The following SPEF2 variants were observed in gnomAD, a reference collection of about 807,000 sequenced individuals.
SPEF2 encodes the protein sperm flagellar and cilia associated 2.
In SPEF2, 187 loss-of-function variants were observed where a neutral mutation model predicts 224.6. The observed-to-expected ratio is 0.83, with a 90% confidence interval of 0.74 to 0.94. The LOEUF (loss-of-function observed/expected upper bound fraction) is 0.94, where lower values mean the gene tolerates loss of function less well. Ranked by LOEUF, SPEF2 falls within the 40% of genes least tolerant of loss-of-function variation. The probability of loss-of-function intolerance (pLI) is 0.00; values close to 1 mark genes in which losing one functional copy is unlikely to be tolerated. For missense variants in SPEF2, 2,170 were observed against 2,135.6 expected (o/e 1.02, Z -0.32); for synonymous variants, 715 against 707.3 (o/e 1.01, Z -0.17).
At chr5:35,644,841 C>T (rs1252830334) in intron 4 of SPEF2, among the ~76,000 whole-genome samples, 2 of 152,176 alleles carry the variant, frequency 1.3e-5, no homozygotes, top group African/African-American at 4.8e-5. Context: ...TTGCTATTAG[C>T]TACCCCATTG....
At chr5:35,756,569 G>A (rs1750478326) in intron 24 of SPEF2, among the ~76,000 whole-genome samples, 1 of 152,210 alleles carries the variant, frequency 6.6e-6, no homozygotes, top group East Asian at 1.9e-4. Context: ...TGTCCAGGAT[G>A]CTCAAAAGCA....
chr5:35,654,634 C>T lies in SPEF2; in HGVS notation c.886C>T (p.Arg296Cys), dbSNP rs757152291. Residue 296 changes from arginine to cysteine, a missense_variant, in exon 7 of 37, where the codon CGC (arginine) becomes TGC (cysteine). Physicochemically the swap from Arg to Cys is radical, Grantham distance 180 (BLOSUM62 -3). Transcript: ENST00000356031. ...DDEYIKKIQK[R>C]LEEDAFAREQ... is the part of the protein sequence containing the mutation. ...CGAGTACATTAAAAAAATCCAGAAG[C>T]GCCTTGAAGAAGATGCTTTTGCACG... 19 of 1,613,474 alleles carry T rather than the reference C, an allele frequency of 1.2e-5. No individual in the cohort carries two copies. The East Asian group carries it at 3.3e-4, about 28-fold the overall frequency.
chr5:35,733,306 G>C (rs750691020), intron 21 of SPEF2, among the ~76,000 whole-genome samples: 1 of 151,970 alleles, frequency 6.6e-6, no homozygotes, highest in Non-Finnish European at 1.5e-5. Flanking sequence ...AGTAGAGATG[G>C]GGTTTTACCG....
At chr5:35,752,413 T>G (rs1384644696) in intron 23 of SPEF2, among the ~76,000 whole-genome samples, 2 of 152,078 alleles carry the variant, frequency 1.3e-5, no homozygotes, top group Non-Finnish European at 2.9e-5. Context: ...CTTAGCCTCC[T>G]GAGTAGCTGG....
intron 20 of SPEF2, among the ~76,000 whole-genome samples, chr5:35,723,951 G>T (rs7710255): frequency 2.6e-5 from 4 of 151,912 alleles, no homozygotes; most frequent in African/African-American, 9.7e-5. Context: ...TTCTGGTAGC[G>T]AAATTCAACC....
At chr5:35,813,935 T>A (rs1471695089) in intron 36 of SPEF2, among the ~76,000 whole-genome samples, 1 of 152,156 alleles carries the variant, frequency 6.6e-6, no homozygotes, top group Non-Finnish European at 1.5e-5. Context: ...TTGAAAAATA[T>A]CTGTGATTTA....
At chr5:35,788,269 T>C (rs1428846309) in intron 30 of SPEF2, 1 of 702,890 alleles carries the variant, frequency 1.4e-6, no homozygotes, top group Non-Finnish European at 2.6e-6. Flanking sequence ...CATGCCATGC[T>C]ATTGCCAAGA....
chr5:35,775,314 G>C (rs1753454002), intron 28 of SPEF2, among the ~76,000 whole-genome samples: 1 of 152,098 alleles, frequency 6.6e-6, no homozygotes, highest in Non-Finnish European at 1.5e-5. Context: ...CATGAGGGGA[G>C]TTCCTGACTT....
At chr5:35,788,096 T>C in intron 30 of SPEF2, 2 of 702,966 alleles carry the variant, frequency 2.8e-6, no homozygotes, top group Non-Finnish European at 5.2e-6. Flanking sequence ...TACTGACAAC[T>C]TTAGGACTGA....
intron 2 of SPEF2, among the ~76,000 whole-genome samples, chr5:35,629,374 G>A (rs1183571342): frequency 4.6e-5 from 7 of 151,552 alleles, no homozygotes; most frequent in African/African-American, 1.7e-4. Context: ...AGCCAGGATG[G>A]TCTCGATCTC....
intron 15 of SPEF2, chr5:35,699,801 T>C (rs566428155): frequency 7.9e-5 from 12 of 152,444 alleles, no homozygotes; most frequent in South Asian, 4.1e-4. Flanking sequence ...CATACTCATA[T>C]AACATTGAGG....
At chr5:35,732,596 A>G (rs1258116093) in intron 21 of SPEF2, among the ~76,000 whole-genome samples, 2 of 152,192 alleles carry the variant, frequency 1.3e-5, no homozygotes, top group African/African-American at 4.8e-5. Flanking sequence ...CAGTCTCCAA[A>G]AAATTTAATA....
chr5:35,790,267 C>T (rs550159117), intron 30 of SPEF2: 5 of 627,672 alleles, frequency 8.0e-6, no homozygotes, highest in African/African-American at 5.5e-5. Context: ...AATTTTGACC[C>T]TAGGAAAGCT....
At chr5:35,665,952 A>G (rs1750410085) in intron 8 of SPEF2, among the ~76,000 whole-genome samples, 1 of 152,192 alleles carries the variant, frequency 6.6e-6, no homozygotes, top group African/African-American at 2.4e-5. Context: ...ACAGCAATCC[A>G]TTGTCACACA....
intron 8 of SPEF2, among the ~76,000 whole-genome samples, chr5:35,664,165 T>C (rs572958709): frequency 6.6e-6 from 1 of 152,092 alleles, no homozygotes; most frequent in Admixed American, 6.5e-5. Context: ...ATGACACTTG[T>C]CATAGTGTGT....
chr5:35,628,385 G>A (rs1400996671), intron 1 of SPEF2, 75 bp from the exon 2 acceptor site: 2 of 874,922 alleles, frequency 2.3e-6, no homozygotes, highest in African/African-American at 3.4e-5. Context: ...TTTAGTGTAT[G>A]TATATTTAAA....
chr5:35,663,368 A>G (rs1382597609), intron 8 of SPEF2, among the ~76,000 whole-genome samples: 1 of 152,170 alleles, frequency 6.6e-6, no homozygotes, highest in African/African-American at 2.4e-5. Context: ...TCTCAGAGAC[A>G]CTTCAAATTC....
At chr5:35,641,747 ATGATAT>A in intron 3 of SPEF2, 64 bp downstream of exon 3, 1 of 1,521,176 alleles carries the variant, frequency 6.6e-7, no homozygotes, top group African/African-American at 1.4e-5. Flanking sequence ...AGAAATGACA[ATGATAT>A]TGAATTCTCA....
At chr5:35,756,358 A>G (rs1561313761) in intron 24 of SPEF2, among the ~76,000 whole-genome samples, 1 of 152,230 alleles carries the variant, frequency 6.6e-6, no homozygotes, top group African/African-American at 2.4e-5. Flanking sequence ...TGTCTACTGT[A>G]TTCCTAACCA....
Sources: gnomAD v4.1 joint callset for allele counts (sites outside exome capture counted in the v4.1 genomes callset) on GRCh38, gnomAD v4.1.1 for gene constraint, MANE v1.5 for transcripts, NCBI Gene and HGNC (gene_info 2026-07-23, HGNC 2026-07-21) for gene names.